TRHDE: variants seen among roughly 807,000 people sequenced by gnomAD.
TRHDE encodes thyrotropin-releasing hormone-degrading ectoenzyme.
A neutral mutation model predicts 125.7 loss-of-function variants in TRHDE; 72 were observed. That is an observed-to-expected ratio of 0.57 (90% confidence interval 0.47 to 0.70). The LOEUF (loss-of-function observed/expected upper bound fraction) is 0.70. Ranked by LOEUF, TRHDE falls within the 30% of genes least tolerant of loss-of-function variation. The pLI is 0.00. For missense variants in TRHDE, 1,110 were observed against 1,327.1 expected, an observed-to-expected ratio of 0.84 and a Z score of 2.54; for synonymous variants, 509 against 509.1, an observed-to-expected ratio of 1.00 and a Z score of 0.00.
At position 72,272,820 on chromosome 12, in the gene TRHDE, G is replaced by A; in HGVS notation, c.177G>A (p.Gly59=). ...DDAALRAGSR[G]LSDPWADSVG... ...CCGCGCTTCGGGCTGGCAGCAGGGG[G>A]CTCTCCGACCCGTGGGCAGACTCAG... The change falls in exon 1 of 19, where the codon GGG becomes GGA. Residue 59 remains glycine, a synonymous_variant. Transcript: ENST00000261180. The surrounding 1 kb of genome is among the most constrained non-coding windows in gnomAD (Gnocchi z 6.7). The A allele has an allele frequency of 6.4e-7, 1 of 1,574,690 alleles. No homozygotes were observed. Among genetic ancestry groups the A allele is most frequent in the Admixed American group, 1.7e-5 (1 of 58,368 alleles).
At chr12:72,278,760 G>T (rs1186810939) in intron 1 of TRHDE, among the ~76,000 whole-genome samples, 1 of 152,034 alleles carries the variant, frequency 6.6e-6, no homozygotes, top group East Asian at 1.9e-4. Context: ...TTTTCATTCA[G>T]GTCTTTTGCC....
Position 72,317,716 on chromosome 12 carries a change from A to G in TRHDE, c.1188+30762A>G, listed in dbSNP as rs142861487. Among the ~76,000 whole-genome samples, 12 of 152,332 alleles carry G rather than the reference A, an allele frequency of 7.9e-5. No homozygotes were observed. In the East Asian group the frequency reaches 2.3e-3, roughly 29 times the overall value. On this transcript the variant is annotated intron_variant, in intron 2 of 18. Coordinates refer to ENST00000261180, the MANE Select transcript of TRHDE (RefSeq NM_013381.3). ...AGCAACAGGTGTGGAAACCATAGGT[A>G]CATGAAAGAGGGACACCAATCTCAG... is the stretch of plus-strand genomic sequence containing the variant.
At chr12:72,597,973 A>G (rs1469725620) in intron 12 of TRHDE, among the ~76,000 whole-genome samples, 1 of 151,640 alleles carries the variant, frequency 6.6e-6, no homozygotes, top group Non-Finnish European at 1.5e-5. Context: ...CCATTCTTCA[A>G]AATACCATTT....
At chr12:72,595,041 C>G (rs1251545989) in intron 12 of TRHDE, among the ~76,000 whole-genome samples, 1 of 142,982 alleles carries the variant, frequency 7.0e-6, no homozygotes, top group South Asian at 2.2e-4. Context: ...CATGTTCTCA[C>G]TCATAGGTGG....
chr12:72,402,178 C>G (rs552317116), intron 3 of TRHDE, among the ~76,000 whole-genome samples: 7 of 151,964 alleles, frequency 4.6e-5, no homozygotes, highest in Non-Finnish European at 2.9e-5. Context: ...CTAGGGGTGT[C>G]CAATCTTTTG....
intron 3 of TRHDE, among the ~76,000 whole-genome samples, chr12:72,423,023 A>T (rs1348373290): frequency 6.6e-6 from 1 of 152,164 alleles, no homozygotes; most frequent in African/African-American, 2.4e-5. Context: ...ATGTACTGAG[A>T]TCCTCAGAGT....
intron 6 of TRHDE, among the ~76,000 whole-genome samples, chr12:72,529,681 G>A (rs530147439): frequency 6.6e-6 from 1 of 152,276 alleles, no homozygotes; most frequent in Admixed American, 6.5e-5. Context: ...GTGTTCATAT[G>A]TGAGTGTTGG....
At chr12:72,138,791 C>T (rs1876046900) in intron 2 of TRHDE, among the ~76,000 whole-genome samples, 1 of 152,226 alleles carries the variant, frequency 6.6e-6, no homozygotes, top group Non-Finnish European at 1.5e-5. Flanking sequence ...AAGTGACACT[C>T]ATCAGTGCCC....
intron 3 of TRHDE, among the ~76,000 whole-genome samples, chr12:72,459,027 C>G (rs1876003217): frequency 2.0e-5 from 3 of 152,140 alleles, no homozygotes. Flanking sequence ...GAAAGTCTGA[C>G]ACTACTCTCA....
At chr12:72,180,458 T>C (rs1468504744) in intron 2 of TRHDE, among the ~76,000 whole-genome samples, 1 of 152,184 alleles carries the variant, frequency 6.6e-6, no homozygotes, top group Non-Finnish European at 1.5e-5. Flanking sequence ...CCTTTAGGCA[T>C]GGAATGTTCT....
intron 2 of TRHDE, among the ~76,000 whole-genome samples, chr12:72,250,862 A>ATATATATATATATT (rs981275202): frequency 2.8e-5 from 4 of 144,258 alleles, no homozygotes; most frequent in Admixed American, 1.4e-4. Flanking sequence ...ATATATATAT[A>ATATATATATATATT]TTTTATTTTT....
rs576197707 is a variant in TRHDE, at chr12:72,662,415, G to A, written c.3067-637G>A. On this transcript the variant is annotated intron_variant, in intron 18 of 18. Coordinates refer to ENST00000261180, the MANE Select transcript of TRHDE (RefSeq NM_013381.3). ...TTAAGAATTATAACTTAAATGCTCAGATTCTCCAGCTAAATAAGACCATAT... is the reference window on the plus strand; with the variant it reads ...TTAAGAATTATAACTTAAATGCTCAAATTCTCCAGCTAAATAAGACCATAT... Among the ~76,000 whole-genome samples, 6 of 152,222 alleles carry A rather than the reference G, an allele frequency of 3.9e-5. No individual in the cohort carries two copies. In the South Asian group the frequency reaches 1.0e-3, roughly 26 times the overall value.
At chr12:72,185,231 G>A (rs1480312481) in intron 2 of TRHDE, among the ~76,000 whole-genome samples, 2 of 152,204 alleles carry the variant, frequency 1.3e-5, no homozygotes, top group Non-Finnish European at 2.9e-5. Context: ...CAGCAGTGCC[G>A]GCCCACCGGG....
At chr12:72,414,138 A>G (rs535947642) in intron 3 of TRHDE, among the ~76,000 whole-genome samples, 1 of 152,260 alleles carries the variant, frequency 6.6e-6, no homozygotes, top group South Asian at 2.1e-4. Context: ...AAGTTGCTGT[A>G]AGCAGATTTG....
intron 12 of TRHDE, among the ~76,000 whole-genome samples, chr12:72,591,791 C>T (rs1871697990): frequency 6.6e-6 from 1 of 150,640 alleles, no homozygotes; most frequent in Non-Finnish European, 1.5e-5. Flanking sequence ...TGTCTTTCAC[C>T]CACCACTTTA....
intron 2 of TRHDE, among the ~76,000 whole-genome samples, chr12:72,289,522 G>C (rs1025807416): frequency 6.6e-6 from 1 of 152,174 alleles, no homozygotes; most frequent in Non-Finnish European, 1.5e-5. Context: ...CATTTAGAAA[G>C]TAGAAGATTG....
At chr12:72,539,167 A>G (rs1345680360) in intron 6 of TRHDE, among the ~76,000 whole-genome samples, 2 of 151,934 alleles carry the variant, frequency 1.3e-5, no homozygotes. Flanking sequence ...CCCTCCAGAT[A>G]TAACCTCTCC....
At chr12:72,585,010 A>C (rs1347284393) in intron 12 of TRHDE, among the ~76,000 whole-genome samples, 1 of 152,126 alleles carries the variant, frequency 6.6e-6, no homozygotes, top group Non-Finnish European at 1.5e-5. Context: ...TTCTGAGGGA[A>C]GCTCTGCCTC....
intron 3 of TRHDE, among the ~76,000 whole-genome samples, chr12:72,392,363 T>C (rs2135792344): frequency 6.6e-6 from 1 of 152,304 alleles, no homozygotes; most frequent in South Asian, 2.1e-4. Context: ...TTCCATTTTG[T>C]CCGAATTACT....
Sources: gnomAD v4.1 joint callset for allele counts (sites outside exome capture counted in the v4.1 genomes callset) on GRCh38, gnomAD v4.1.1 for gene constraint, Gnocchi (gnomAD v3.1) non-coding constraint, MANE v1.5 for transcripts, NCBI Gene and HGNC (gene_info 2026-07-23, HGNC 2026-07-21) for gene names.